Variants in GPC5 observed in about 807,000 individuals in gnomAD.
The protein encoded by GPC5 is glypican 5.
In GPC5, 47 loss-of-function variants were observed where a neutral mutation model predicts 53.9. The ratio of observed to expected loss-of-function variants is 0.87; its 90% CI spans 0.69 to 1.11. The LOEUF is 1.11. GPC5 is among the 50% of genes most tolerant of loss of function. GPC5 has a pLI of 0.00. For missense variants in GPC5, 748 were observed against 713.1 expected (o/e 1.05, Z -0.56); for synonymous variants, 286 against 263.3 (o/e 1.09, Z -0.84).
intron 7 of GPC5, among the ~76,000 whole-genome samples, chr13:92,583,937 C>T (rs573288898): frequency 5.9e-5 from 9 of 152,218 alleles, no homozygotes; most frequent in African/African-American, 9.6e-5. Flanking sequence ...CTGCCATCCA[C>T]GTAAGATGTG....
intron 5 of GPC5, among the ~76,000 whole-genome samples, chr13:91,856,776 C>T (rs536114146): frequency 6.6e-6 from 1 of 151,248 alleles, no homozygotes; most frequent in East Asian, 1.9e-4. Context: ...ATTTCTTTTT[C>T]ATTTTTAAAG....
intron 7 of GPC5, among the ~76,000 whole-genome samples, chr13:92,801,436 T>G (rs1000510765): frequency 6.6e-6 from 1 of 151,832 alleles, no homozygotes; most frequent in Non-Finnish European, 1.5e-5. Flanking sequence ...CATAAAAGTA[T>G]AGCACATACA....
chr13:92,522,885 G>C (rs1429046848), intron 7 of GPC5, among the ~76,000 whole-genome samples: 1 of 151,914 alleles, frequency 6.6e-6, no homozygotes, highest in Non-Finnish European at 1.5e-5. Context: ...AGCCAATAAA[G>C]AAGCATAACA....
intron 7 of GPC5, among the ~76,000 whole-genome samples, chr13:92,582,697 G>A (rs1414983926): frequency 2.0e-5 from 3 of 152,024 alleles, no homozygotes; most frequent in Admixed American, 6.6e-5. Flanking sequence ...GTACTTTTCA[G>A]TGTGCGGATC....
intron 1 of GPC5, among the ~76,000 whole-genome samples, chr13:91,432,203 C>CTGGTGTGTGTGTGTGTGTG (rs1555306318): frequency 7.3e-6 from 1 of 136,354 alleles, no homozygotes; most frequent in African/African-American, 2.8e-5. Context: ...GCTGCTGCTG[C>CTGGTGTGTGTGTGTGTGTG]TGTGTGTGTG....
intron 6 of GPC5, among the ~76,000 whole-genome samples, chr13:91,973,562 G>T (rs374528674): frequency 3.3e-5 from 5 of 152,158 alleles, no homozygotes; most frequent in African/African-American, 4.8e-5. Context: ...AGAGTTTCCG[G>T]TTTTTCTGCT....
intron 7 of GPC5, among the ~76,000 whole-genome samples, chr13:92,483,043 A>G (rs1466103697): frequency 6.6e-6 from 1 of 152,196 alleles, no homozygotes; most frequent in Non-Finnish European, 1.5e-5. Context: ...GGGAACTCCC[A>G]TCTATAAAAC....
In GPC5 at chr13:92,108,728, CAT is replaced by C. The variant is rs2041529041; in HGVS notation, c.1402-36099_1402-36098del. Among the ~76,000 whole-genome samples the C allele has an allele frequency of 2.6e-5, 4 of 152,226 alleles. No individual in the cohort carries two copies. The South Asian group carries it at 8.3e-4, about 32-fold the overall frequency. On this transcript the variant is annotated intron_variant, in intron 6 of 7. Transcript: ENST00000377067. The stretch of plus-strand genomic sequence containing the variant: ...ACTCAACTAAATCTATATGTAGAAA[CAT>C]ATTTCTACTTTGGATCTCCTCTTGA...
intron 6 of GPC5, among the ~76,000 whole-genome samples, chr13:91,987,602 G>A (rs1409822553): frequency 1.3e-5 from 2 of 151,388 alleles, no homozygotes; most frequent in Non-Finnish European, 2.9e-5. Context: ...GATGAATAAA[G>A]GGAGATTGAG....
At chr13:92,758,285 G>A (rs995983125) in intron 7 of GPC5, among the ~76,000 whole-genome samples, 4 of 147,622 alleles carry the variant, frequency 2.7e-5, no homozygotes, top group African/African-American at 1.0e-4. Context: ...TGAACAATGA[G>A]ATCACATGGA....
At chr13:92,523,516 A>G (rs1281571827) in intron 7 of GPC5, among the ~76,000 whole-genome samples, 3 of 152,126 alleles carry the variant, frequency 2.0e-5, no homozygotes, top group African/African-American at 4.8e-5. Context: ...ATACATACAC[A>G]GTTTTTCTGA....
At chr13:92,027,281 C>T (rs2040808210) in intron 6 of GPC5, among the ~76,000 whole-genome samples, 1 of 152,116 alleles carries the variant, frequency 6.6e-6, no homozygotes, top group South Asian at 2.1e-4. Context: ...AAAGGGAAAA[C>T]TGCCTGTACA....
At chr13:92,351,572 T>C (rs1032929228) in intron 7 of GPC5, among the ~76,000 whole-genome samples, 1 of 152,016 alleles carries the variant, frequency 6.6e-6, no homozygotes, top group Non-Finnish European at 1.5e-5. Flanking sequence ...TATTTTTCCA[T>C]ATGATGTTAT....
intron 7 of GPC5, among the ~76,000 whole-genome samples, chr13:92,759,484 A>G (rs1313939702): frequency 6.6e-6 from 1 of 151,970 alleles, no homozygotes; most frequent in Non-Finnish European, 1.5e-5. Context: ...ACTATGATAA[A>G]TGAGATTGTT....
chr13:91,414,648 A>G (rs924583470), intron 1 of GPC5, among the ~76,000 whole-genome samples: 2 of 152,242 alleles, frequency 1.3e-5, no homozygotes, highest in Non-Finnish European at 2.9e-5. Context: ...TAGAGTGCTT[A>G]CAAATCTCTC....
intron 7 of GPC5, among the ~76,000 whole-genome samples, chr13:92,723,901 A>C (rs960111075): frequency 6.6e-6 from 1 of 151,674 alleles, no homozygotes; most frequent in African/African-American, 2.4e-5. Context: ...ACTTTGGAAA[A>C]AATCTACCCC....
intron 2 of GPC5, among the ~76,000 whole-genome samples, chr13:91,594,754 C>G (rs2032928168): frequency 6.6e-6 from 1 of 152,084 alleles, no homozygotes; most frequent in South Asian, 2.1e-4. Flanking sequence ...TCACACCTCA[C>G]TGCAGCCTCA....
chr13:92,865,395 T>C (rs1879306266), intron 7 of GPC5, among the ~76,000 whole-genome samples: 1 of 152,186 alleles, frequency 6.6e-6, no homozygotes, highest in Non-Finnish European at 1.5e-5. Flanking sequence ...TCTTTGCTAT[T>C]TGCTATTTCC....
intron 7 of GPC5, among the ~76,000 whole-genome samples, chr13:92,810,240 C>G (rs1231422330): frequency 6.7e-6 from 1 of 150,298 alleles, no homozygotes; most frequent in East Asian, 1.9e-4. Context: ...CTGATATTAA[C>G]CATGAATATC....
Sources: gnomAD v4.1 joint callset for allele counts (sites outside exome capture counted in the v4.1 genomes callset) on GRCh38, gnomAD v4.1.1 for gene constraint, MANE v1.5 for transcripts, NCBI Gene and HGNC (gene_info 2026-07-23, HGNC 2026-07-21) for gene names.